EPSTI1: variants seen among roughly 807,000 people sequenced by gnomAD.
EPSTI1 encodes the protein epithelial stromal interaction 1, also known as epithelial-stromal interaction protein 1.
Under a neutral mutation model 49.9 loss-of-function variants are expected in EPSTI1, and 66 were observed. The ratio of observed to expected loss-of-function variants is 1.32; its 90% CI spans 1.08 to 1.62. The LOEUF is 1.62. EPSTI1 is among the 40% of genes most tolerant of loss of function. The pLI is 0.00. For missense variants in EPSTI1, 394 were observed against 365.5 expected (o/e 1.08, Z -0.64); for synonymous variants, 137 against 130.7 (o/e 1.05, Z -0.33).
intron 6 of EPSTI1, among the ~76,000 whole-genome samples, chr13:42,932,258 A>G (rs2060620919): frequency 6.9e-6 from 1 of 145,800 alleles, no homozygotes; most frequent in Non-Finnish European, 1.5e-5. Context: ...CATGCTTAAT[A>G]GTGCCAAGCT....
At chr13:42,988,850 GTTTA>G (rs71734350) in intron 1 of EPSTI1, among the ~76,000 whole-genome samples, 44,555 of 149,678 alleles carry the variant, frequency 0.3, 6,883 homozygotes, top group South Asian at 0.42. Context: ...CAAATAGGTG[GTTTA>G]TTTATTTATT....
chr13:42,973,115 G>T (rs767484880), intron 1 of EPSTI1, among the ~76,000 whole-genome samples: 1 of 152,186 alleles, frequency 6.6e-6, no homozygotes, highest in Non-Finnish European at 1.5e-5. Flanking sequence ...TCTCTCTTAC[G>T]GAAATTTTGC....
At chr13:42,991,474 T>G (rs1266919809) in intron 1 of EPSTI1, among the ~76,000 whole-genome samples, 1 of 152,168 alleles carries the variant, frequency 6.6e-6, no homozygotes, top group African/African-American at 2.4e-5. Context: ...TAGTAAAGAC[T>G]GGGTTTCACC....
chr13:42,929,439 T>C (rs964223675), intron 6 of EPSTI1, among the ~76,000 whole-genome samples: 3 of 152,208 alleles, frequency 2.0e-5, no homozygotes, highest in African/African-American at 7.2e-5. Flanking sequence ...CCTGCCTCCG[T>C]AGACCCTCCC....
rs184136520 is a variant in EPSTI1, at chr13:42,899,532, A to G, written c.815+778T>C. ...TAAAGTCTCTCATTTAGAAAATGAA[A>G]CCAACATAACTTAAAAATACAGTTT... On this transcript the variant is annotated intron_variant, in intron 9 of 10. Coordinates refer to ENST00000313624, the MANE Select transcript of EPSTI1 (RefSeq NM_033255.5). Among the ~76,000 whole-genome samples the G allele has an allele frequency of 2.3e-3, 353 of 152,266 alleles. 10 individuals are homozygous for G. The highest frequency in any genetic ancestry group is 0.022 in the Admixed American group (336 of 15,290).
intron 6 of EPSTI1, among the ~76,000 whole-genome samples, chr13:42,953,410 G>A (rs138812674): frequency 1.8e-4 from 28 of 152,268 alleles, no homozygotes; most frequent in African/African-American, 5.3e-4. Context: ...AGTAGATTAC[G>A]TTATAAAGCA....
intron 1 of EPSTI1, among the ~76,000 whole-genome samples, chr13:42,975,917 T>G (rs1401187474): frequency 6.6e-6 from 1 of 152,200 alleles, no homozygotes; most frequent in African/African-American, 2.4e-5. Flanking sequence ...CAAAAACCAA[T>G]GATGGGACCA....
At position 42,941,179 on chromosome 13, in the gene EPSTI1, G is replaced by C. The variant is rs1049095688; in HGVS notation, c.563+12769C>G. 2.6e-5 allele frequency among the ~76,000 whole-genome samples: 4 copies of C among 152,024 alleles called. No homozygotes were observed. The East Asian group carries it at 7.7e-4, about 29-fold the overall frequency. On this transcript the variant is annotated intron_variant, in intron 6 of 10. Coordinates refer to ENST00000313624, the MANE Select transcript of EPSTI1 (RefSeq NM_033255.5). ...TCCTTCACTACATTTTTATTGTGTT[G>C]ATTCAATACAAATTGTCAAATTGTC...
intron 1 of EPSTI1, among the ~76,000 whole-genome samples, chr13:42,987,141 T>C (rs1331790882): frequency 6.6e-6 from 1 of 152,158 alleles, no homozygotes; most frequent in Non-Finnish European, 1.5e-5. Flanking sequence ...ACCCCCAACT[T>C]TGTAGTCTGG....
chr13:42,989,582 T>G (rs1363557487), intron 1 of EPSTI1, among the ~76,000 whole-genome samples: 1 of 122,356 alleles, frequency 8.2e-6, no homozygotes, highest in Non-Finnish European at 1.8e-5. Context: ...TTTTTTTTTT[T>G]TGCTTTTTGT....
At chr13:42,913,401 C>T (rs1408157) in intron 8 of EPSTI1, among the ~76,000 whole-genome samples, 143,640 of 152,246 alleles carry the variant, frequency 0.94, 68,333 homozygotes, top group East Asian at 1. Context: ...AGAGGAATTA[C>T]TAGAATCAGA....
rs1016762006 is a variant in EPSTI1, at chr13:42,922,210, A to G, written c.657+4126T>C. 3.3e-5 allele frequency among the ~76,000 whole-genome samples: 5 copies of G among 152,238 alleles called. No homozygotes were observed. Among genetic ancestry groups the G allele is most frequent in the African/African-American group, 4.8e-5 (2 of 41,468 alleles). ...ACATATTAACAGATATTCGGAGCTA[A>G]CTAAGAAAAGAAACAGGTGGTGGGT... On this transcript the variant is annotated intron_variant, in intron 7 of 10. Transcript: ENST00000313624. The surrounding 1 kb of genome is among the most constrained non-coding windows in gnomAD (Gnocchi z 4.8).
intron 6 of EPSTI1, among the ~76,000 whole-genome samples, chr13:42,943,202 G>A (rs1462979769): frequency 7.9e-5 from 12 of 152,178 alleles, no homozygotes; most frequent in Non-Finnish European, 1.5e-5. Flanking sequence ...TCTCCAGAAT[G>A]GGGACCACAT....
chr13:42,901,098 CT>C (rs1304572354), intron 8 of EPSTI1, among the ~76,000 whole-genome samples: 1 of 152,024 alleles, frequency 6.6e-6, no homozygotes, highest in Non-Finnish European at 1.5e-5. Flanking sequence ...ACTGTCTACC[CT>C]AAGGCAGAAT....
intron 3 of EPSTI1, among the ~76,000 whole-genome samples, chr13:42,968,502 G>T (rs2039677960): frequency 1.3e-5 from 2 of 152,106 alleles, no homozygotes; most frequent in Non-Finnish European, 2.9e-5. Context: ...ATTCCCATTA[G>T]GTGGCATCCC....
chr13:42,931,494 C>G (rs960712055), intron 6 of EPSTI1, among the ~76,000 whole-genome samples: 2 of 152,210 alleles, frequency 1.3e-5, no homozygotes, highest in African/African-American at 2.4e-5. Context: ...CGTGAGCCAC[C>G]GCGCCCGGCC....
intron 10 of EPSTI1, among the ~76,000 whole-genome samples, chr13:42,891,308 T>C (rs1232697005): frequency 6.6e-6 from 1 of 152,244 alleles, no homozygotes; most frequent in South Asian, 2.1e-4. Context: ...AAATAATCTG[T>C]TCCTTGAAAG....
At chr13:42,930,034 C>T (rs770680780) in intron 6 of EPSTI1, among the ~76,000 whole-genome samples, 1 of 152,136 alleles carries the variant, frequency 6.6e-6, no homozygotes, top group Non-Finnish European at 1.5e-5. Context: ...TGGGAATCTG[C>T]GTTTCTTAAA....
chr13:42,888,469 A>C lies in EPSTI1; in HGVS notation c.*25T>G. 6.2e-7 allele frequency: 1 copy of C among 1,614,082 alleles called. No homozygotes were observed. Among genetic ancestry groups the C allele is most frequent in the South Asian group, 1.1e-5 (1 of 91,078 alleles). On this transcript the variant is annotated 3_prime_UTR_variant, in exon 11 of 11. Transcript: ENST00000313624. Reference sequence around the variant, plus strand: ...GAGGCTTTTCGAGGTCAGTTGATGAAGGCCAGATAGGAGTCAATATTTTCT... The same window carrying C: ...GAGGCTTTTCGAGGTCAGTTGATGACGGCCAGATAGGAGTCAATATTTTCT...
Sources: allele counts gnomAD v4.1 joint callset (sites outside exome capture counted in the v4.1 genomes callset), GRCh38; gene constraint gnomAD v4.1.1; non-coding constraint Gnocchi (gnomAD v3.1); transcripts MANE v1.5; gene names NCBI Gene and HGNC (gene_info 2026-07-23, HGNC 2026-07-21).